Variants in FLNB observed in about 807,000 individuals in gnomAD.
FLNB encodes filamin B.
FLNB carries 111 observed loss-of-function variants against 250.6 expected under a neutral mutation model. That is an observed-to-expected ratio of 0.44 (90% CI 0.38 to 0.52). FLNB has a LOEUF of 0.52. Among genes scored for constraint, FLNB ranks in the 20% least tolerant of loss-of-function variants. The pLI, the probability that FLNB is intolerant of heterozygous loss-of-function variation, is 0.00. For synonymous variants in FLNB, 1,302 were observed against 1,372.1 expected (o/e 0.95, Z 1.13); for missense variants, 2,869 against 3,447.8 (o/e 0.83, Z 4.20).
At chr3:58,011,615 G>T (rs765123808) in intron 1 of FLNB, among the ~76,000 whole-genome samples, 2 of 152,202 alleles carry the variant, frequency 1.3e-5, no homozygotes, top group African/African-American at 4.8e-5. Flanking sequence ...CATCCTTCAA[G>T]GCAAAGTTAC....
chr3:58,131,866 C>T lies in FLNB; in HGVS notation c.4391-942C>T, dbSNP rs1007424936. On this transcript the variant is annotated intron_variant, in intron 25 of 45. Coordinates refer to ENST00000295956, the MANE Select transcript of FLNB (RefSeq NM_001457.4). ...GAGGGAGAAAAAGAAGAAAGAGAAGCTTTACTTGGATATCTGCCTCTATTA... is the reference window on the plus strand; with the variant it reads ...GAGGGAGAAAAAGAAGAAAGAGAAGTTTTACTTGGATATCTGCCTCTATTA... The T allele has an allele frequency of 6.1e-6, 7 of 1,155,038 alleles. No individual in the cohort carries two copies. The African/African-American group carries it at 9.2e-5, about 15-fold the overall frequency. 71.5% of individuals were successfully genotyped at this position (1,155,038 alleles called of 1,614,324 possible).
chr3:58,107,156 A>C (rs1434158065), intron 12 of FLNB, among the ~76,000 whole-genome samples: 1 of 152,112 alleles, frequency 6.6e-6, no homozygotes, highest in Non-Finnish European at 1.5e-5. Flanking sequence ...TAGCCTCCCA[A>C]GTAGCTGGAA....
At chr3:58,147,474 G>A (rs2107267037) in intron 34 of FLNB, among the ~76,000 whole-genome samples, 2 of 152,314 alleles carry the variant, frequency 1.3e-5, no homozygotes, top group Middle Eastern at 6.8e-3. Flanking sequence ...TCACCTTGCT[G>A]TGTTCAGGTT....
At chr3:58,076,275 A>G (rs2097201520) in intron 1 of FLNB, among the ~76,000 whole-genome samples, 1 of 152,224 alleles carries the variant, frequency 6.6e-6, no homozygotes, top group Admixed American at 6.5e-5. Context: ...ATTAATGAAA[A>G]GAAAAAAATT....
chr3:58,142,084 T>C lies in FLNB; in HGVS notation c.5181+155T>C, dbSNP rs967367827. Among the ~76,000 whole-genome samples the C allele has an allele frequency of 6.6e-6, 1 of 152,184 alleles. No homozygotes were observed. Among genetic ancestry groups the C allele is most frequent in the Non-Finnish European group, 1.5e-5 (1 of 68,038 alleles). On this transcript the variant is annotated intron_variant, in intron 30 of 45. Coordinates refer to ENST00000295956, the MANE Select transcript of FLNB (RefSeq NM_001457.4). The surrounding 1 kb of genome is among the most constrained non-coding windows in gnomAD (Gnocchi z 4.3). Reference sequence around the variant, plus strand: ...TCAGCCCATCACGATGATCCCTGCTTTTTCTGTAATAAGATCACCTTTGCG... The same window carrying C: ...TCAGCCCATCACGATGATCCCTGCTCTTTCTGTAATAAGATCACCTTTGCG...
In FLNB at chr3:58,111,740, T is replaced by A. The variant is rs1287533664; in HGVS notation, c.2485-51T>A. ...ACCCTTTGTTGAAGGCTCCCTGAGC[T>A]CTGGCTGTTGCTTCAGGGGCTTTCC... is the stretch of plus-strand genomic sequence containing the variant. On this transcript the variant is annotated intron_variant, in intron 16 of 45. Coordinates refer to ENST00000295956, the MANE Select transcript of FLNB (RefSeq NM_001457.4). 3 of 1,386,014 alleles carry A rather than the reference T, an allele frequency of 2.2e-6. No homozygotes were observed. The South Asian group carries it at 3.5e-5, about 16-fold the overall frequency. The allele number at this position is 1,386,014 out of a possible 1,614,324, so 85.9% of individuals were successfully genotyped here.
chr3:58,104,174 GAA>G lies in FLNB; in HGVS notation c.1610+91_1610+92del, dbSNP rs2097255609. 3.0e-6 allele frequency: 4 copies of G among 1,337,906 alleles called. No homozygotes were observed. The East Asian group carries it at 7.0e-5, about 23-fold the overall frequency. The allele number at this position is 1,337,906 out of a possible 1,614,324, so 82.9% of individuals were successfully genotyped here. A position where few individuals can be genotyped will look rare whatever the true frequency, so the allele number is the denominator to read the frequency against. On this transcript the variant is annotated intron_variant, in intron 10 of 45. Coordinates refer to ENST00000295956, the MANE Select transcript of FLNB (RefSeq NM_001457.4). ...TAGTTGCTTCCCGGGCTGCAGGAGGGAAAGAGATCTGCTTTGTTGAAAACTTT... is the reference window on the plus strand; with the variant it reads ...TAGTTGCTTCCCGGGCTGCAGGAGGGAGAGATCTGCTTTGTTGAAAACTTT...
chr3:58,167,772 T>A (rs1407279007), intron 43 of FLNB, among the ~76,000 whole-genome samples: 1 of 152,244 alleles, frequency 6.6e-6, no homozygotes, highest in Non-Finnish European at 1.5e-5. Flanking sequence ...GAGTCATTTG[T>A]GAAGCAGGAA....
In FLNB at chr3:58,097,885, G is replaced by A; in HGVS notation, c.1055G>A (p.Gly352Glu). The change falls in exon 7 of 46, where the codon GGA (glycine) becomes GAA (glutamate). Residue 352 changes from glycine to glutamate, a missense_variant. Coordinates refer to ENST00000295956, the MANE Select transcript of FLNB (RefSeq NM_001457.4). ...PFEVSVDKAQ[G>E]DASKVTAKGP... ...GAAGTGAGTGTTGACAAGGCCCAGGGAGATGCCAGTAAAGTCACTGCAAAA... is the reference window on the plus strand; with the variant it reads ...GAAGTGAGTGTTGACAAGGCCCAGGAAGATGCCAGTAAAGTCACTGCAAAA... The A allele has an allele frequency of 1.2e-6, 2 of 1,614,164 alleles. No homozygotes were observed. The highest frequency in any genetic ancestry group is 1.7e-6 in the Non-Finnish European group (2 of 1,180,026).
At chr3:58,133,437 G>GA (rs55916881) in intron 26 of FLNB, among the ~76,000 whole-genome samples, 1,177 of 67,546 alleles carry the variant, frequency 0.017, 81 homozygotes, top group Non-Finnish European at 0.024. Flanking sequence ...GACATCTCTG[G>GA]AAAAAAAAAA....
At chr3:58,153,063 G>A (rs1000965317) in intron 38 of FLNB, among the ~76,000 whole-genome samples, 1 of 152,254 alleles carries the variant, frequency 6.6e-6, no homozygotes, top group African/African-American at 2.4e-5. Context: ...CTTCTTGACG[G>A]TAAAGGATGA....
chr3:58,165,596 C>T (rs1011406510), intron 43 of FLNB: 17 of 152,310 alleles, frequency 1.1e-4, no homozygotes, highest in Admixed American at 3.3e-4. Context: ...TTTGCTGTAT[C>T]TCTTGGCTCA....
At chr3:58,141,773 TG>T in intron 29 of FLNB, 84 bp from the exon 30 acceptor site, 1 of 1,251,474 alleles carries the variant, frequency 8.0e-7, no homozygotes, top group Non-Finnish European at 1.2e-6. Flanking sequence ...GATGGAGCAG[TG>T]GGGGAAGCAG....
Position 58,125,754 on chromosome 3 carries a change from C to G in FLNB, c.4061+11C>G. 1 of 1,613,664 alleles carries G rather than the reference C, an allele frequency of 6.2e-7. No individual in the cohort carries two copies. The highest frequency in any genetic ancestry group is 1.1e-5 in the South Asian group (1 of 91,062). On this transcript the variant is annotated intron_variant, in intron 23 of 45. Coordinates refer to ENST00000295956, the MANE Select transcript of FLNB (RefSeq NM_001457.4). ...CACCGTGGTTACCAGGTAGGCAAGG[C>G]CCTACATTTGGTGTCTTGAGTCTCA...
intron 1 of FLNB, among the ~76,000 whole-genome samples, chr3:58,058,468 G>T (rs2097173633): frequency 6.6e-6 from 1 of 151,390 alleles, no homozygotes; most frequent in Admixed American, 6.6e-5. Flanking sequence ...ACCTAGAAAG[G>T]AGGAGAAGCT....
intron 4 of FLNB, among the ~76,000 whole-genome samples, chr3:58,085,862 A>G (rs1280838612): frequency 2.6e-5 from 4 of 152,234 alleles, no homozygotes; most frequent in Non-Finnish European, 4.4e-5. Flanking sequence ...CTAACCAGCC[A>G]TGGTTAGCCA....
intron 1 of FLNB, among the ~76,000 whole-genome samples, chr3:58,073,547 T>G (rs116416799): frequency 3.0e-4 from 46 of 151,960 alleles, no homozygotes; most frequent in African/African-American, 1.1e-3. Flanking sequence ...GGTTTATTGC[T>G]CTGCTGTTGC....
chr3:58,134,013 A>G (rs1553703564), intron 26 of FLNB, among the ~76,000 whole-genome samples: 1 of 152,180 alleles, frequency 6.6e-6, no homozygotes, highest in Non-Finnish European at 1.5e-5. Context: ...AATGTGTTTA[A>G]CCCTGTGTTT....
intron 25 of FLNB, among the ~76,000 whole-genome samples, chr3:58,131,680 A>C (rs2097307686): frequency 6.6e-6 from 1 of 152,188 alleles, no homozygotes; most frequent in African/African-American, 2.4e-5. Context: ...CTTCTCCTTC[A>C]TGGGGTTCAG....
Sources: gnomAD v4.1 joint callset for allele counts (sites outside exome capture counted in the v4.1 genomes callset) on GRCh38, gnomAD v4.1.1 for gene constraint, Gnocchi (gnomAD v3.1) non-coding constraint, MANE v1.5 for transcripts, NCBI Gene and HGNC (gene_info 2026-07-23, HGNC 2026-07-21) for gene names.